The following INSL6 variants were observed in gnomAD, a reference collection of about 807,000 sequenced individuals.
INSL6 encodes the protein insulin like 6.
A neutral mutation model predicts 9.4 loss-of-function variants in INSL6; 16 were observed. The ratio of observed to expected loss-of-function variants is 1.70; its 90% CI spans 1.15 to 2.59. The LOEUF is 2.59. INSL6 is among the 30% of genes most tolerant of loss of function. The pLI, the probability that INSL6 is intolerant of heterozygous loss-of-function variation, is 0.00. For missense variants in INSL6, 391 were observed against 257.3 expected (o/e 1.52, Z -3.56); for synonymous variants, 154 against 96.9 (o/e 1.59, Z -3.46).
chr9:5,180,883 T>C (rs901522364), intron 1 of INSL6, among the ~76,000 whole-genome samples: 5 of 152,174 alleles, frequency 3.3e-5, no homozygotes, highest in Non-Finnish European at 7.3e-5. Flanking sequence ...GTAGTTCTGC[T>C]CTTTGCACTT....
chr9:5,147,857 T>C (rs930614626), intron 2 of INSL6, among the ~76,000 whole-genome samples: 3 of 152,350 alleles, frequency 2.0e-5, no homozygotes, highest in East Asian at 1.9e-4. Context: ...GATTGTATTA[T>C]GAAATTCCTG....
At chr9:5,008,179 A>T in the INSL6 span, among the ~76,000 whole-genome samples, 1 of 152,232 alleles carries the variant, frequency 6.6e-6, no homozygotes, top group Non-Finnish European at 1.5e-5. Flanking sequence ...TAGTCTATAC[A>T]TAAAGTCAAT....
In INSL6 at chr9:5,164,210, C is replaced by G. The variant is rs566868714; in HGVS notation, c.345G>C (p.Glu115Asp). 6.2e-7 allele frequency: 1 copy of G among 1,607,766 alleles called. No individual in the cohort carries two copies. The highest frequency in any genetic ancestry group is 8.5e-7 in the Non-Finnish European group (1 of 1,177,870). Residue 115 changes from glutamate (E) to aspartate (D), a missense_variant, in exon 2 of 2, where the codon GAG (glutamate) becomes GAC (aspartate). By Grantham distance (45) the Glu-to-Asp change is conservative (BLOSUM62 2). Transcript: ENST00000381641. ...VNSWEMQSLP[E>D]YKDKKGYSPL... ...GTGAATATCCCTTTTTATCCTTATA[C>G]TCAGGTAGTGACTGCATTTCCCAAC...
chr9:5,092,638 C>A, the INSL6 span, among the ~76,000 whole-genome samples: 1 of 152,134 alleles, frequency 6.6e-6, no homozygotes, highest in East Asian at 1.9e-4. Flanking sequence ...AGCCCTTATA[C>A]CTTCTGCATA....
chr9:5,175,201 A>G (rs1313388876), intron 1 of INSL6, among the ~76,000 whole-genome samples: 3 of 151,996 alleles, frequency 2.0e-5, no homozygotes, highest in Non-Finnish European at 4.4e-5. Context: ...CGGCCTCCCA[A>G]AGTGCTGGGA....
the INSL6 span, among the ~76,000 whole-genome samples, chr9:5,083,758 C>T: frequency 7.1e-6 from 1 of 141,556 alleles, no homozygotes; most frequent in Admixed American, 7.0e-5. Flanking sequence ...AAACAGCAGA[C>T]TAAATTATAA....
At chr9:5,074,954 T>C in the INSL6 span, among the ~76,000 whole-genome samples, 2 of 152,228 alleles carry the variant, frequency 1.3e-5, no homozygotes, top group Non-Finnish European at 2.9e-5. Flanking sequence ...GTGCTACTCC[T>C]GTGAGCACAT....
downstream of INSL6, among the ~76,000 whole-genome samples, chr9:5,161,282 T>C (rs1400457848): frequency 6.6e-6 from 1 of 152,166 alleles, no homozygotes; most frequent in Non-Finnish European, 1.5e-5. Flanking sequence ...GGTTCAACAT[T>C]TGCAAGTCAA....
At chr9:5,000,827 G>A in the INSL6 span, among the ~76,000 whole-genome samples, 5 of 152,162 alleles carry the variant, frequency 3.3e-5, no homozygotes, top group African/African-American at 1.2e-4. Context: ...GTTGGGATAT[G>A]TATAAATATC....
intron 2 of INSL6, among the ~76,000 whole-genome samples, chr9:5,143,868 C>T (rs1019818180): frequency 2.6e-5 from 4 of 152,018 alleles, no homozygotes; most frequent in Admixed American, 6.6e-5. Context: ...CCATGTTGGC[C>T]ATGCTGGTCT....
At chr9:5,115,838 A>G in the INSL6 span, among the ~76,000 whole-genome samples, 1 of 152,178 alleles carries the variant, frequency 6.6e-6, no homozygotes, top group Non-Finnish European at 1.5e-5. Flanking sequence ...GTTCTCGCTG[A>G]TAAGTGGGAG....
chr9:5,063,011 A>C, the INSL6 span, among the ~76,000 whole-genome samples: 1 of 152,034 alleles, frequency 6.6e-6, no homozygotes, highest in African/African-American at 2.4e-5. Flanking sequence ...AATTTTGTTT[A>C]GGATACCTTT....
chr9:5,096,388 C>G, the INSL6 span, among the ~76,000 whole-genome samples: 25 of 152,202 alleles, frequency 1.6e-4, no homozygotes, highest in Non-Finnish European at 2.8e-4. Flanking sequence ...AAATCAACCA[C>G]TTTAATTAAG....
At chr9:5,092,124 GT>G in the INSL6 span, among the ~76,000 whole-genome samples, 2 of 152,088 alleles carry the variant, frequency 1.3e-5, no homozygotes, top group African/African-American at 4.8e-5. Flanking sequence ...ACATAAAAAC[GT>G]TAGGTCAACG....
chr9:5,034,345 TAAC>T, the INSL6 span, among the ~76,000 whole-genome samples: 8 of 152,180 alleles, frequency 5.3e-5, no homozygotes, highest in African/African-American at 1.9e-4. Context: ...GACAGAAAGT[TAAC>T]AAGGATATCC....
chr9:5,034,806 C>G, the INSL6 span, among the ~76,000 whole-genome samples: 1 of 152,100 alleles, frequency 6.6e-6, no homozygotes. Flanking sequence ...AATTGACACC[C>G]TAACATCACA....
chr9:5,090,735 A>G, the INSL6 span: 2 of 1,586,330 alleles, frequency 1.3e-6, no homozygotes, highest in South Asian at 1.2e-5. Flanking sequence ...TGTTTTATCC[A>G]TAGGGTATGG....
At chr9:5,025,469 T>C in the INSL6 span, among the ~76,000 whole-genome samples, 982 of 152,176 alleles carry the variant, frequency 6.5e-3, 7 homozygotes, top group African/African-American at 0.022. Context: ...CTTCCTTCCC[T>C]TCTTCTGTCT....
the INSL6 span, among the ~76,000 whole-genome samples, chr9:5,035,057 C>CTA: frequency 6.6e-6 from 1 of 152,170 alleles, no homozygotes; most frequent in African/African-American, 2.4e-5. Flanking sequence ...GGGATATCAA[C>CTA]CCGATCCCAC....
Sources: allele counts gnomAD v4.1 joint callset (sites outside exome capture counted in the v4.1 genomes callset), GRCh38; gene constraint gnomAD v4.1.1; transcripts MANE v1.5; gene names NCBI Gene and HGNC (gene_info 2026-07-23, HGNC 2026-07-21).